The following ACOX2 variants were observed in gnomAD, a reference collection of about 807,000 sequenced individuals.
ACOX2 encodes the protein peroxisomal acyl-coenzyme A oxidase 2.
ACOX2 carries 59 observed loss-of-function variants against 77.5 expected under a neutral mutation model. That is an observed-to-expected ratio of 0.76 (90% CI 0.62 to 0.95). The LOEUF (loss-of-function observed/expected upper bound fraction) is 0.95. Among genes scored for constraint, ACOX2 ranks in the 40% least tolerant of loss-of-function variants. The pLI is 0.00. For synonymous variants in ACOX2, 317 were observed against 340.1 expected, an observed-to-expected ratio of 0.93 and a Z score of 0.75; for missense variants, 837 against 880.4, an observed-to-expected ratio of 0.95 and a Z score of 0.62.
chr3:58,511,131 C>G (rs1322257491), intron 13 of ACOX2: 11 of 450,076 alleles, frequency 2.4e-5, no homozygotes, highest in Non-Finnish European at 4.5e-5. Context: ...TTTCTCTCTT[C>G]AGGCTCTCAG....
chr3:58,528,436 C>G lies in ACOX2; in HGVS notation c.1155+358G>C, dbSNP rs936769433. Among the ~76,000 whole-genome samples, 38 of 152,196 alleles carry G rather than the reference C, an allele frequency of 2.5e-4. No homozygotes were observed. The highest frequency in any genetic ancestry group is 1.0e-4 in the Non-Finnish European group (7 of 68,040). On this transcript the variant is annotated intron_variant, in intron 9 of 14. Transcript: ENST00000302819. This position sits in a 1 kb window ranked among gnomAD's most constrained non-coding sequence, Gnocchi z 5.6. Reference sequence around the variant, plus strand: ...TAATAATTTTACTGCAAAATGTATTCACACTCAGAGGGATAAATCAGGTCA... The same window carrying G: ...TAATAATTTTACTGCAAAATGTATTGACACTCAGAGGGATAAATCAGGTCA...
intron 8 of ACOX2, 195 bp from the exon 9 acceptor site, chr3:58,529,151 C>T: frequency 2.0e-6 from 1 of 506,850 alleles, no homozygotes; most frequent in East Asian, 3.3e-5. Flanking sequence ...TGCAGGAATA[C>T]TGACACATTT....
chr3:58,511,044 A>G (rs774700636), intron 13 of ACOX2: 4 of 456,374 alleles, frequency 8.8e-6, no homozygotes, highest in African/African-American at 8.0e-5. Context: ...ATGGCTTTAC[A>G]TCGTATTTCA....
rs2063471569 is a variant in ACOX2 at position 58,535,063 on chromosome 3, C to T, written c.44G>A (p.Ser15Asn). 1 of 1,614,216 alleles carries T rather than the reference C, an allele frequency of 6.2e-7. No individual in the cohort carries two copies. Among genetic ancestry groups the T allele is most frequent in the Non-Finnish European group, 8.5e-7 (1 of 1,180,044 alleles). ...CTCTATGTCGGGGTGCATTTGCCTG[C>T]TCCAGGTATCCCCCAATGACACTCG... ...VHRVSLGDTW[S>N]RQMHPDIESE... The change falls in exon 2 of 15, where the codon AGC (serine) becomes AAC (asparagine). Residue 15 changes from serine (S) to asparagine (N), a missense_variant. Coordinates refer to ENST00000302819, the MANE Select transcript of ACOX2 (RefSeq NM_003500.4). The surrounding 1 kb of genome is among the most constrained non-coding windows in gnomAD (Gnocchi z 4.8).
At position 58,531,556 on chromosome 3, in the gene ACOX2, G is replaced by A. The variant is rs898924953; in HGVS notation, c.703+137C>T. 7.2e-7 allele frequency: 1 copy of A among 1,396,638 alleles called. No homozygotes were observed. The highest frequency in any genetic ancestry group is 9.8e-7 in the Non-Finnish European group (1 of 1,023,966). 86.5% of individuals were successfully genotyped at this position (1,396,638 alleles called of 1,614,324 possible). A position where few individuals can be genotyped will look rare whatever the true frequency, so the allele number is the denominator to read the frequency against. ...AGTTCACCTAGCCAGTTAGCACCAA[G>A]TCTGTCCAACTGGACCGCTCCCTGC... On this transcript the variant is annotated intron_variant, in intron 6 of 14. Coordinates refer to ENST00000302819, the MANE Select transcript of ACOX2 (RefSeq NM_003500.4). This position sits in a 1 kb window ranked among gnomAD's most constrained non-coding sequence, Gnocchi z 5.8.
Position 58,524,664 on chromosome 3 carries a change from C to T in ACOX2, c.1347-59G>A, listed in dbSNP as rs576377279. The T allele has an allele frequency of 5.2e-5, 80 of 1,533,734 alleles. No individual in the cohort carries two copies. The African/African-American group carries it at 1.0e-3, about 20-fold the overall frequency. ...AGAGACTCTGTGAGACAGCCCAGCA[C>T]CCCTCACTCCCAGAGACAGGCAAGC... On this transcript the variant is annotated intron_variant, in intron 10 of 14. Coordinates refer to ENST00000302819, the MANE Select transcript of ACOX2 (RefSeq NM_003500.4). The surrounding 1 kb of genome is among the most constrained non-coding windows in gnomAD (Gnocchi z 5.5).
At chr3:58,516,149 A>G (rs985298140) in intron 13 of ACOX2, among the ~76,000 whole-genome samples, 1 of 152,170 alleles carries the variant, frequency 6.6e-6, no homozygotes, top group Non-Finnish European at 1.5e-5. Context: ...TGCATTAAAA[A>G]ACTTTGTGTT....
rs1485475449 is a variant in ACOX2, at chr3:58,526,423, C to T, written c.1346+43G>A. On this transcript the variant is annotated intron_variant, in intron 10 of 14. Transcript: ENST00000302819. The surrounding 1 kb of genome is among the most constrained non-coding windows in gnomAD (Gnocchi z 4.3). ...TCCACCCAACAGAAGCTTGGTGGGT[C>T]CCCAAGGGCTTGGGCAAAGGCCTGG... 2.6e-6 allele frequency: 4 copies of T among 1,561,660 alleles called. No individual in the cohort carries two copies. The highest frequency in any genetic ancestry group is 3.5e-6 in the Non-Finnish European group (4 of 1,151,568).
intron 13 of ACOX2, chr3:58,511,046 C>A (rs1039422206): frequency 2.2e-6 from 1 of 456,484 alleles, no homozygotes; most frequent in African/African-American, 2.0e-5. Flanking sequence ...GGCTTTACAT[C>A]GTATTTCACT....
Position 58,524,386 on chromosome 3 carries a change from G to C in ACOX2, c.1526+40C>G. Reference sequence around the variant, plus strand: ...AAGGCCCTAGTGTGGCATGGAGCCTGTGCCCAGGTGGGATGGCTGATTTCT... The same window carrying C: ...AAGGCCCTAGTGTGGCATGGAGCCTCTGCCCAGGTGGGATGGCTGATTTCT... On this transcript the variant is annotated intron_variant, in intron 11 of 14. Transcript: ENST00000302819. The surrounding 1 kb of genome is among the most constrained non-coding windows in gnomAD (Gnocchi z 5.5). The C allele has an allele frequency of 6.3e-7, 1 of 1,595,406 alleles. No homozygotes were observed. Among genetic ancestry groups the C allele is most frequent in the Non-Finnish European group, 8.6e-7 (1 of 1,166,152 alleles).
In ACOX2 at chr3:58,505,651, G is replaced by A. The variant is rs2063228956; in HGVS notation, c.1984-365C>T. On this transcript the variant is annotated intron_variant, in intron 14 of 14. Transcript: ENST00000302819. This position sits in a 1 kb window ranked among gnomAD's most constrained non-coding sequence, Gnocchi z 4.4. ...ATCATATAAGCAGTATTCTAGGTCC[G>A]ACTAGGTTATCCTCATTATGCTGTA... 6.6e-6 allele frequency among the ~76,000 whole-genome samples: 1 copy of A among 152,140 alleles called. No individual in the cohort carries two copies. Among genetic ancestry groups the A allele is most frequent in the African/African-American group, 2.4e-5 (1 of 41,424 alleles).
At chr3:58,529,852 G>A (rs2063423573) in intron 8 of ACOX2, among the ~76,000 whole-genome samples, 1 of 152,222 alleles carries the variant, frequency 6.6e-6, no homozygotes, top group African/African-American at 2.4e-5. Context: ...GAAGTGAAAT[G>A]GCCGAGCTGA....
chr3:58,506,748 T>C lies in ACOX2; in HGVS notation c.1984-1462A>G, dbSNP rs2063236810. 1.3e-5 allele frequency among the ~76,000 whole-genome samples: 2 copies of C among 152,166 alleles called. 1 individual carries two copies. On this transcript the variant is annotated intron_variant, in intron 14 of 14. Transcript: ENST00000302819. The stretch of plus-strand genomic sequence containing the variant: ...AGAGGGTTGCAGTGAGCCGCGGTTG[T>C]GCCACTGCATTTCAGCCTGGATGAC...
chr3:58,528,640 T>A lies in ACOX2; in HGVS notation c.1155+154A>T, dbSNP rs1244255915. The stretch of plus-strand genomic sequence containing the variant: ...TTGTGGGTAAATTTATATACCAGGG[T>A]GCCGTTCACCCAGACGCCCTGGGAT... On this transcript the variant is annotated intron_variant, in intron 9 of 14. Coordinates refer to ENST00000302819, the MANE Select transcript of ACOX2 (RefSeq NM_003500.4). The surrounding 1 kb of genome is among the most constrained non-coding windows in gnomAD (Gnocchi z 5.6). Among the ~76,000 whole-genome samples, 1 of 147,806 alleles carries A rather than the reference T, an allele frequency of 6.8e-6. No homozygotes were observed. The highest frequency in any genetic ancestry group is 2.5e-5 in the African/African-American group (1 of 39,656).
At position 58,535,228 on chromosome 3, in the gene ACOX2, G is replaced by A; in HGVS notation, c.-91-31C>T. On this transcript the variant is annotated intron_variant, in intron 1 of 14. Coordinates refer to ENST00000302819, the MANE Select transcript of ACOX2 (RefSeq NM_003500.4). The surrounding 1 kb of genome is among the most constrained non-coding windows in gnomAD (Gnocchi z 4.8). The stretch of plus-strand genomic sequence containing the variant: ...TGCAAGAGGAACTGCCTAGGGCTGG[G>A]TGTCAGCCAGGGCTGGTTGGTAGAA... The A allele has an allele frequency of 2.4e-6, 3 of 1,276,054 alleles. No homozygotes were observed. The highest frequency in any genetic ancestry group is 3.7e-5 in the Admixed American group (2 of 53,942). 79.0% of individuals were successfully genotyped at this position (1,276,054 alleles called of 1,614,324 possible). A position where few individuals can be genotyped will look rare whatever the true frequency, so the allele number is the denominator to read the frequency against.
intron 7 of ACOX2, 39 bp from the exon 8 acceptor site, chr3:58,530,677 G>C: frequency 2.5e-6 from 4 of 1,593,188 alleles, no homozygotes; most frequent in South Asian, 1.1e-5. Flanking sequence ...CTGGGCCAAG[G>C]CTTCCCAGGA....
Position 58,515,126 on chromosome 3 carries a change from C to A in ACOX2, c.1850+2080G>T, listed in dbSNP as rs555509769. 1.3e-5 allele frequency among the ~76,000 whole-genome samples: 2 copies of A among 152,178 alleles called. No homozygotes were observed. Among genetic ancestry groups the A allele is most frequent in the East Asian group, 3.9e-4 (2 of 5,168 alleles). Reference sequence around the variant, plus strand: ...GCAGCCTCTGCCTCCCGGGTTCAAGCGATTCTGCCTCAGCCTCCCAAGTAA... The same window carrying A: ...GCAGCCTCTGCCTCCCGGGTTCAAGAGATTCTGCCTCAGCCTCCCAAGTAA... On this transcript the variant is annotated intron_variant, in intron 13 of 14. Coordinates refer to ENST00000302819, the MANE Select transcript of ACOX2 (RefSeq NM_003500.4). The surrounding 1 kb of genome is among the most constrained non-coding windows in gnomAD (Gnocchi z 4.0).
Position 58,531,953 on chromosome 3 carries a change from G to T in ACOX2, c.584-141C>A, listed in dbSNP as rs2063443574. On this transcript the variant is annotated intron_variant, in intron 5 of 14. Transcript: ENST00000302819. The surrounding 1 kb of genome is among the most constrained non-coding windows in gnomAD (Gnocchi z 5.8). ...TCACTGATCAAAGAGAGAGGGGATTGCCCCCAAAGAACCAAGCAAACCTAG... is the reference window on the plus strand; with the variant it reads ...TCACTGATCAAAGAGAGAGGGGATTTCCCCCAAAGAACCAAGCAAACCTAG... 1.5e-6 allele frequency: 2 copies of T among 1,310,040 alleles called. No homozygotes were observed. The highest frequency in any genetic ancestry group is 1.5e-5 in the African/African-American group (1 of 66,970). The allele number at this position is 1,310,040 out of a possible 1,614,324, so 81.2% of individuals were successfully genotyped here.
chr3:58,520,381 G>T (rs576540912), intron 12 of ACOX2, among the ~76,000 whole-genome samples: 5 of 152,370 alleles, frequency 3.3e-5, no homozygotes, highest in Non-Finnish European at 5.9e-5. Context: ...GCCAGCATTT[G>T]TTCCCATGGT....
Sources: allele counts gnomAD v4.1 joint callset (sites outside exome capture counted in the v4.1 genomes callset), GRCh38; gene constraint gnomAD v4.1.1; non-coding constraint Gnocchi (gnomAD v3.1); transcripts MANE v1.5; gene names NCBI Gene and HGNC (gene_info 2026-07-23, HGNC 2026-07-21).